The following NAV3 variants were observed in gnomAD, a reference collection of about 807,000 sequenced individuals.
NAV3 encodes the protein neuron navigator 3.
NAV3 carries 87 observed loss-of-function variants against 244.7 expected under a neutral mutation model. The ratio of observed to expected loss-of-function variants is 0.36; its 90% CI spans 0.30 to 0.42. NAV3 has a LOEUF of 0.42. Among genes scored for constraint, NAV3 ranks in the 20% least tolerant of loss-of-function variants. The pLI, the probability that NAV3 is intolerant of heterozygous loss-of-function variation, is 1.00. For missense variants in NAV3, 2,663 were observed against 2,893.3 expected (o/e 0.92, Z 1.83); for synonymous variants, 1,126 against 1,042.2 (o/e 1.08, Z -1.55).
chr12:77,928,252 G>C (rs940367026), intron 1 of NAV3, among the ~76,000 whole-genome samples: 1 of 149,976 alleles, frequency 6.7e-6, no homozygotes, highest in Non-Finnish European at 1.5e-5. Context: ...AAGAGAGAGA[G>C]GGAAGGAAAA....
chr12:78,005,405 A>C (rs1028040120), intron 7 of NAV3, among the ~76,000 whole-genome samples: 1 of 152,202 alleles, frequency 6.6e-6, no homozygotes, highest in Non-Finnish European at 1.5e-5. Context: ...AAAACTGAAA[A>C]GGCCAACAGT....
At chr12:78,198,856 T>C (rs1325792100) in intron 36 of NAV3, among the ~76,000 whole-genome samples, 180 bp downstream of exon 36, 2 of 151,578 alleles carry the variant, frequency 1.3e-5, no homozygotes, top group Admixed American at 1.3e-4. Context: ...TCTGACACTC[T>C]TTCTCAAGCC....
At chr12:77,982,053 C>T (rs2136273726) in intron 5 of NAV3, among the ~76,000 whole-genome samples, 1 of 152,168 alleles carries the variant, frequency 6.6e-6, no homozygotes, top group African/African-American at 2.4e-5. Context: ...GATGTAATGT[C>T]AAAGATTGTC....
chr12:77,753,298 G>A (rs1010274175), intron 2 of NAV3, among the ~76,000 whole-genome samples: 5 of 152,072 alleles, frequency 3.3e-5, no homozygotes, highest in African/African-American at 1.2e-4. Flanking sequence ...CACATTGTAG[G>A]CACCTAATGC....
At chr12:77,898,681 G>A (rs1389167971) in intron 1 of NAV3, among the ~76,000 whole-genome samples, 1 of 152,166 alleles carries the variant, frequency 6.6e-6, no homozygotes, top group Non-Finnish European at 1.5e-5. Flanking sequence ...CGTTCTATAA[G>A]TAATAATCAT....
intron 2 of NAV3, among the ~76,000 whole-genome samples, chr12:77,815,629 C>A (rs1872499770): frequency 6.6e-6 from 1 of 152,058 alleles, no homozygotes; most frequent in South Asian, 2.1e-4. Context: ...ACATCATAGT[C>A]CATATAATGA....
At position 78,086,115 on chromosome 12, in the gene NAV3, G is replaced by A. The variant is rs747545694; in HGVS notation, c.2636+27000G>A. 5.9e-5 allele frequency among the ~76,000 whole-genome samples: 9 copies of A among 152,012 alleles called. No individual in the cohort carries two copies. The East Asian group carries it at 9.6e-4, about 16-fold the overall frequency. On this transcript the variant is annotated intron_variant, in intron 12 of 39. Coordinates refer to ENST00000397909, the MANE Select transcript of NAV3 (RefSeq NM_001024383.2). Reference sequence around the variant, plus strand: ...AAATAATTAACACTGGCGTTTACCCGTGCAGGATTGTTGAGAGGATTAAAT... The same window carrying A: ...AAATAATTAACACTGGCGTTTACCCATGCAGGATTGTTGAGAGGATTAAAT...
intron 2 of NAV3, among the ~76,000 whole-genome samples, chr12:77,807,918 C>T (rs1175402835): frequency 1.3e-5 from 2 of 152,110 alleles, no homozygotes; most frequent in Non-Finnish European, 2.9e-5. Context: ...TTTTATTTCA[C>T]TCAGTTGATC....
At chr12:77,690,493 A>C (rs143094833) in intron 2 of NAV3, among the ~76,000 whole-genome samples, 127 of 151,768 alleles carry the variant, frequency 8.4e-4, no homozygotes, top group African/African-American at 2.7e-3. Flanking sequence ...TATGTTTTAA[A>C]TTTCTAACAC....
chr12:77,895,825 A>G (rs1006404834), intron 1 of NAV3, among the ~76,000 whole-genome samples: 10 of 150,090 alleles, frequency 6.7e-5, no homozygotes, highest in Non-Finnish European at 1.2e-4. Flanking sequence ...AAAAGGTGTC[A>G]TGTTTCCCAG....
chr12:78,131,813 A>G (rs1294855226), intron 18 of NAV3, among the ~76,000 whole-genome samples: 1 of 152,210 alleles, frequency 6.6e-6, no homozygotes, highest in Non-Finnish European at 1.5e-5. Context: ...AGAAGTGTGT[A>G]AGACTTGACA....
At chr12:78,140,449 T>A in intron 20 of NAV3, 115 bp downstream of exon 20, 1 of 967,410 alleles carries the variant, frequency 1.0e-6, no homozygotes, top group Non-Finnish European at 1.6e-6. Flanking sequence ...AGGAGTTGTG[T>A]AGCAAAATAA....
rs1960919848 is a variant in NAV3, at chr12:78,212,016, A to G, written c.*1499A>G. 2 of 152,790 alleles carry G rather than the reference A, an allele frequency of 1.3e-5. No individual in the cohort carries two copies. Among genetic ancestry groups the G allele is most frequent in the Non-Finnish European group, 2.9e-5 (2 of 68,042 alleles). 9.5% of individuals were successfully genotyped at this position (152,790 alleles called of 1,614,324 possible). ...CTGAGATTTCCTGTACATTGCAAAC[A>G]AATACAGAATGCAAACCCTCAAAGC... On this transcript the variant is annotated 3_prime_UTR_variant, in exon 40 of 40. Transcript: ENST00000397909.
chr12:78,126,701 C>T (rs551275156), intron 16 of NAV3, among the ~76,000 whole-genome samples: 1 of 152,036 alleles, frequency 6.6e-6, no homozygotes, highest in Non-Finnish European at 1.5e-5. Flanking sequence ...AATAAACATG[C>T]CTTTTTATTA....
chr12:77,573,699 A>G (rs1388444571), intron 2 of NAV3, among the ~76,000 whole-genome samples: 4 of 152,106 alleles, frequency 2.6e-5, no homozygotes, highest in Non-Finnish European at 5.9e-5. Context: ...AACGTCCTTA[A>G]CTCTGATGGT....
chr12:78,193,872 A>G (rs1959088401), intron 34 of NAV3, among the ~76,000 whole-genome samples: 1 of 152,096 alleles, frequency 6.6e-6, no homozygotes, highest in Non-Finnish European at 1.5e-5. Flanking sequence ...CCTGCTAATT[A>G]CAAAACTCAA....
chr12:77,717,088 G>A (rs1397176878), intron 2 of NAV3, among the ~76,000 whole-genome samples: 3 of 152,006 alleles, frequency 2.0e-5, no homozygotes, highest in Admixed American at 2.0e-4. Context: ...GAATTATCGA[G>A]CATCTCTGAC....
intron 1 of NAV3, among the ~76,000 whole-genome samples, chr12:77,890,360 C>T (rs1883788621): frequency 6.6e-6 from 1 of 152,112 alleles, no homozygotes; most frequent in Non-Finnish European, 1.5e-5. Flanking sequence ...AAGCAATCCC[C>T]TCACCTCTGC....
intron 20 of NAV3, among the ~76,000 whole-genome samples, chr12:78,142,426 A>G (rs1956655651): frequency 6.6e-6 from 1 of 152,056 alleles, no homozygotes; most frequent in African/African-American, 2.4e-5. Flanking sequence ...GATTATTTGA[A>G]GTATATCTGG....
Sources: gnomAD v4.1 joint callset for allele counts (sites outside exome capture counted in the v4.1 genomes callset) on GRCh38, gnomAD v4.1.1 for gene constraint, MANE v1.5 for transcripts, NCBI Gene and HGNC (gene_info 2026-07-23, HGNC 2026-07-21) for gene names.